PCBP3: variants seen among roughly 807,000 people sequenced by gnomAD.
The protein encoded by PCBP3 is poly(rC)-binding protein 3.
A neutral mutation model predicts 52.7 loss-of-function variants in PCBP3; 25 were observed. The observed-to-expected ratio is 0.47, with a 90% CI of 0.35 to 0.66. PCBP3 has a LOEUF of 0.66. Ranked by LOEUF, PCBP3 falls within the 30% of genes least tolerant of loss-of-function variation. The probability of loss-of-function intolerance (pLI) is 0.01; values close to 1 mark genes in which losing one functional copy is unlikely to be tolerated. For synonymous variants in PCBP3, 162 were observed against 183.0 expected (o/e 0.89, Z 0.93); for missense variants, 391 against 490.3 (o/e 0.80, Z 1.91).
intron 4 of PCBP3, among the ~76,000 whole-genome samples, chr21:45,845,702 G>A (rs1052097575): frequency 9.2e-5 from 14 of 152,130 alleles, no homozygotes; most frequent in Non-Finnish European, 1.5e-4. Context: ...TTAAGCACCC[G>A]TTTGCACATG....
chr21:45,685,276 A>C (rs1485233134), intron 2 of PCBP3, among the ~76,000 whole-genome samples: 1 of 152,212 alleles, frequency 6.6e-6, no homozygotes, highest in Non-Finnish European at 1.5e-5. Context: ...TGTTTAATGG[A>C]TACAGAGTTT....
intron 13 of PCBP3, among the ~76,000 whole-genome samples, 154 bp from the exon 14 acceptor site, chr21:45,929,763 A>G (rs1323923972): frequency 6.6e-6 from 1 of 152,252 alleles, no homozygotes; most frequent in Non-Finnish European, 1.5e-5. Context: ...GGCTTCCCCC[A>G]GGCCAAGTCC....
intron 4 of PCBP3, among the ~76,000 whole-genome samples, chr21:45,839,451 C>G (rs2093654082): frequency 6.6e-6 from 1 of 152,180 alleles, no homozygotes; most frequent in Non-Finnish European, 1.5e-5. Flanking sequence ...TCGTGGTTGG[C>G]CCAACCCCAT....
Position 45,900,669 on chromosome 21 carries a change from G to T in PCBP3, c.222+46G>T, listed in dbSNP as rs757185275. 47 of 1,326,326 alleles carry T rather than the reference G, an allele frequency of 3.5e-5. 2 individuals carry two copies. In the South Asian group the frequency reaches 5.1e-4, roughly 14 times the overall value. The allele number at this position is 1,326,326 out of a possible 1,614,324, so 82.2% of individuals were successfully genotyped here. A position where few individuals can be genotyped will look rare whatever the true frequency, so the allele number is the denominator to read the frequency against. On this transcript the variant is annotated intron_variant, in intron 8 of 17. Transcript: ENST00000681687. ...CCTGTCCGCAGCCATTCCCGGGTGG[G>T]CGGGGTGGGTCCCCAGGCTCTGCCC... is the stretch of plus-strand genomic sequence containing the variant.
At chr21:45,923,546 A>T (rs2074779583) in intron 13 of PCBP3, among the ~76,000 whole-genome samples, 1 of 152,122 alleles carries the variant, frequency 6.6e-6, no homozygotes, top group African/African-American at 2.4e-5. Context: ...TCAGAACGAG[A>T]CTTTGCATCT....
chr21:45,862,057 A>G (rs1179621718), intron 5 of PCBP3, among the ~76,000 whole-genome samples: 1 of 152,044 alleles, frequency 6.6e-6, no homozygotes, highest in Non-Finnish European at 1.5e-5. Context: ...GTAAGGGTAA[A>G]AAGGACCCTG....
At chr21:45,868,815 C>T (rs1218084625) in intron 5 of PCBP3, among the ~76,000 whole-genome samples, 1 of 152,236 alleles carries the variant, frequency 6.6e-6, no homozygotes, top group Non-Finnish European at 1.5e-5. Flanking sequence ...GACGTCCTCA[C>T]CCAAGCCAGG....
intron 13 of PCBP3, among the ~76,000 whole-genome samples, chr21:45,925,072 C>T (rs571618729): frequency 1.1e-5 from 1 of 90,206 alleles, no homozygotes; most frequent in East Asian, 2.2e-4. Context: ...ATCGGGTGTG[C>T]GTGAGGAGAT....
At chr21:45,848,741 T>C (rs1447308056) in intron 4 of PCBP3, among the ~76,000 whole-genome samples, 1 of 152,234 alleles carries the variant, frequency 6.6e-6, no homozygotes, top group Admixed American at 6.5e-5. Flanking sequence ...TTACTCATTT[T>C]GCTTTGGACT....
intron 4 of PCBP3, among the ~76,000 whole-genome samples, chr21:45,782,299 AACAG>A (rs1160309211): frequency 9.2e-5 from 14 of 152,356 alleles, no homozygotes; most frequent in African/African-American, 2.2e-4. Context: ...AAAAAAGAGA[AACAG>A]ACAGAAAAAT....
At chr21:45,757,371 T>C (rs2088160537) in intron 4 of PCBP3, among the ~76,000 whole-genome samples, 2 of 152,354 alleles carry the variant, frequency 1.3e-5, no homozygotes, top group South Asian at 4.1e-4. Flanking sequence ...TTTTAAATTG[T>C]TTGTTCTTTA....
At position 45,849,222 on chromosome 21, in the gene PCBP3, C is replaced by G. The variant is rs191145092; in HGVS notation, c.-125-739C>G. Reference sequence around the variant, plus strand: ...CTTTTTTTTTTTTTCTTTTTTGAGACGGAGTCTCACTCACTCTGTCACACT... The same window carrying G: ...CTTTTTTTTTTTTTCTTTTTTGAGAGGGAGTCTCACTCACTCTGTCACACT... On this transcript the variant is annotated intron_variant, in intron 4 of 17. Coordinates refer to ENST00000681687, the MANE Select transcript of PCBP3 (RefSeq NM_001384156.1). 1.6e-3 allele frequency among the ~76,000 whole-genome samples: 219 copies of G among 135,678 alleles called. 3 individuals are homozygous for G. Among genetic ancestry groups the G allele is most frequent in the African/African-American group, 5.8e-3 (211 of 36,500 alleles). 89.0% of individuals were successfully genotyped at this position (135,678 alleles called of 152,430 possible).
chr21:45,922,270 T>A (rs1424119006), intron 13 of PCBP3, among the ~76,000 whole-genome samples: 1 of 152,188 alleles, frequency 6.6e-6, no homozygotes, highest in Admixed American at 6.5e-5. Flanking sequence ...AATACCCTCA[T>A]AGGCCAGGTA....
At chr21:45,915,203 T>C (rs952882377) in intron 12 of PCBP3, 68 of 152,058 alleles carry the variant, frequency 4.5e-4, no homozygotes, top group African/African-American at 1.6e-3. Flanking sequence ...CACACCCCCA[T>C]TTTATAGCCA....
intron 11 of PCBP3, among the ~76,000 whole-genome samples, chr21:45,911,695 G>C (rs558951638): frequency 8.5e-4 from 129 of 152,176 alleles, no homozygotes; most frequent in African/African-American, 2.9e-3. Flanking sequence ...AAGAAGCCTC[G>C]CCCCAGATGG....
At chr21:45,775,407 CTCT>C (rs887865673) in intron 4 of PCBP3, among the ~76,000 whole-genome samples, 6 of 151,578 alleles carry the variant, frequency 4.0e-5, no homozygotes, top group Non-Finnish European at 8.8e-5. Context: ...TGGTTCTTCT[CTCT>C]TCTTTTTTAT....
chr21:45,654,958 A>G (rs1006335134), intron 1 of PCBP3, among the ~76,000 whole-genome samples: 18 of 152,290 alleles, frequency 1.2e-4, no homozygotes, highest in African/African-American at 4.1e-4. Context: ...ATATGAGTGG[A>G]ATTATATAGT....
Position 45,704,583 on chromosome 21 carries a change from A to G in PCBP3, c.-199-30809A>G, listed in dbSNP as rs1452347449. Among the ~76,000 whole-genome samples, 1 of 152,094 alleles carries G rather than the reference A, an allele frequency of 6.6e-6. No homozygotes were observed. The highest frequency in any genetic ancestry group is 1.5e-5 in the Non-Finnish European group (1 of 68,000). On this transcript the variant is annotated intron_variant, in intron 2 of 17. Transcript: ENST00000681687. This position sits in a 1 kb window ranked among gnomAD's most constrained non-coding sequence, Gnocchi z 4.1. Reference sequence around the variant, plus strand: ...GATCGGATATGGGAAGGAGGGAGACATGGAGACATAAAACATTGTCTAAGT... The same window carrying G: ...GATCGGATATGGGAAGGAGGGAGACGTGGAGACATAAAACATTGTCTAAGT...
intron 4 of PCBP3, among the ~76,000 whole-genome samples, chr21:45,755,811 G>A (rs538333867): frequency 6.6e-6 from 1 of 152,116 alleles, no homozygotes; most frequent in African/African-American, 2.4e-5. Context: ...GTGAGGGTTT[G>A]TTATATGCTA....
Sources: gnomAD v4.1 joint callset for allele counts (sites outside exome capture counted in the v4.1 genomes callset) on GRCh38, gnomAD v4.1.1 for gene constraint, Gnocchi (gnomAD v3.1) non-coding constraint, MANE v1.5 for transcripts, NCBI Gene and HGNC (gene_info 2026-07-23, HGNC 2026-07-21) for gene names.